The following REPS1 variants were observed in gnomAD, a reference collection of about 807,000 sequenced individuals.
REPS1 encodes the protein ralBP1-associated Eps domain-containing protein 1.
A neutral mutation model predicts 100.9 loss-of-function variants in REPS1; 39 were observed. The ratio of observed to expected loss-of-function variants is 0.39; its 90% confidence interval spans 0.30 to 0.50. The LOEUF (loss-of-function observed/expected upper bound fraction) is 0.50. Among genes scored for constraint, REPS1 ranks in the 20% least tolerant of loss-of-function variants. REPS1 has a pLI of 0.86. For synonymous variants in REPS1, 324 were observed against 340.3 expected, an observed-to-expected ratio of 0.95 and a Z score of 0.53; for missense variants, 821 against 968.5, an observed-to-expected ratio of 0.85 and a Z score of 2.02.
Position 138,920,301 on chromosome 6 carries a change from G to A in REPS1, c.1442C>T (p.Thr481Ile), listed in dbSNP as rs576758876. The A allele has an allele frequency of 5.7e-6, 9 of 1,576,466 alleles. No individual in the cohort carries two copies. The South Asian group carries it at 1.0e-4, about 17-fold the overall frequency. The change falls in exon 12 of 20, where the codon ACT becomes ATT. Residue 481 changes from threonine (T) to isoleucine (I), a missense_variant. Physicochemically the swap from Thr to Ile is moderately conservative, Grantham distance 89. This residue lies in a region of REPS1 where 757 missense variants were observed against 866.4 expected (regional missense o/e 0.87). Coordinates refer to ENST00000450536, the MANE Select transcript of REPS1 (RefSeq NM_001286611.2). ...AGATGGTTTCACAAGTAATGGGCTA[G>A]TGGGATTTGTATGATCTAATAGAGA... ...KRTGSDHTNP[T>I]SPLLVKPSDL...
chr6:138,920,807 G>A (rs1017986083), intron 11 of REPS1, among the ~76,000 whole-genome samples: 4 of 151,960 alleles, frequency 2.6e-5, no homozygotes, highest in Non-Finnish European at 5.9e-5. Flanking sequence ...AAAAACCCAC[G>A]GGGTATTAGA....
intron 1 of REPS1, among the ~76,000 whole-genome samples, chr6:138,966,850 T>A (rs1354872231): frequency 6.6e-6 from 1 of 152,234 alleles, no homozygotes; most frequent in African/African-American, 2.4e-5. Context: ...TTTCTCTGAA[T>A]GCAAATTTCC....
At chr6:138,921,527 T>C (rs1243862377) in intron 10 of REPS1, among the ~76,000 whole-genome samples, 2 of 150,888 alleles carry the variant, frequency 1.3e-5, no homozygotes, top group Non-Finnish European at 2.9e-5. Flanking sequence ...GCCCATGACT[T>C]ATAGTCCCAG....
intron 7 of REPS1, 118 bp from the exon 8 acceptor site, chr6:138,941,607 A>T: frequency 2.1e-6 from 2 of 939,700 alleles, no homozygotes; most frequent in Non-Finnish European, 3.2e-6. Context: ...TAATTATAAA[A>T]ATCCCATACA....
intron 1 of REPS1, among the ~76,000 whole-genome samples, chr6:138,968,819 G>A (rs987560133): frequency 6.6e-6 from 1 of 152,074 alleles, no homozygotes; most frequent in Non-Finnish European, 1.5e-5. Flanking sequence ...TAAAAGAAGA[G>A]AGCAAATAAT....
In REPS1 at chr6:138,908,828, G is replaced by T. The variant is rs763949999; in HGVS notation, c.2068-12C>A. ...GTTGTGCCTTTGCTCTTTAAGACAAGAATTCCATTAATAATAAGCATTTTT... is the reference window on the plus strand; with the variant it reads ...GTTGTGCCTTTGCTCTTTAAGACAATAATTCCATTAATAATAAGCATTTTT... On this transcript the variant is annotated splice_polypyrimidine_tract_variant and intron_variant, in intron 17 of 19. Transcript: ENST00000450536. The T allele has an allele frequency of 2.0e-5, 32 of 1,609,752 alleles. No homozygotes were observed. The highest frequency in any genetic ancestry group is 3.3e-5 in the South Asian group (3 of 89,976).
intron 1 of REPS1, among the ~76,000 whole-genome samples, chr6:138,962,483 TGAGTA>T (rs1783797497): frequency 6.6e-6 from 1 of 152,122 alleles, no homozygotes; most frequent in Non-Finnish European, 1.5e-5. Flanking sequence ...TTAAGACAAC[TGAGTA>T]GTAACCAAGG....
At chr6:138,957,670 A>G (rs1256356646) in intron 1 of REPS1, among the ~76,000 whole-genome samples, 1 of 152,198 alleles carries the variant, frequency 6.6e-6, no homozygotes, top group Non-Finnish European at 1.5e-5. Flanking sequence ...GTGCAATGAC[A>G]GAAGTCTCCA....
chr6:138,914,561 C>T lies in REPS1; in HGVS notation c.1785+136G>A, dbSNP rs1780226261. On this transcript the variant is annotated intron_variant, in intron 15 of 19. Transcript: ENST00000450536. ...GTGCATCTTTCAAAATGAGATTCAG[C>T]CTCACTGAATTAAATGCTCATTAAA... is the stretch of plus-strand genomic sequence containing the variant. The T allele has an allele frequency of 1.1e-5, 8 of 700,216 alleles. No individual in the cohort carries two copies. The South Asian group carries it at 1.2e-4, about 10-fold the overall frequency. 43.4% of individuals were successfully genotyped at this position (700,216 alleles called of 1,614,324 possible). A position where few individuals can be genotyped will look rare whatever the true frequency, so the allele number is the denominator to read the frequency against.
At chr6:138,946,005 G>A (rs1443147843) in intron 2 of REPS1, among the ~76,000 whole-genome samples, 1 of 152,144 alleles carries the variant, frequency 6.6e-6, no homozygotes, top group Non-Finnish European at 1.5e-5. Flanking sequence ...CGTAACCACA[G>A]TACCCCTGCA....
At chr6:138,961,851 T>A (rs1783759844) in intron 1 of REPS1, among the ~76,000 whole-genome samples, 1 of 152,146 alleles carries the variant, frequency 6.6e-6, no homozygotes, top group South Asian at 2.1e-4. Flanking sequence ...CCATGCCTTA[T>A]GGGAGCAAGC....
At chr6:138,981,362 A>G (rs1784941348) in intron 1 of REPS1, among the ~76,000 whole-genome samples, 1 of 152,068 alleles carries the variant, frequency 6.6e-6, no homozygotes, top group Non-Finnish European at 1.5e-5. Flanking sequence ...CATTAGACAA[A>G]TTTCTTACAC....
intron 1 of REPS1, among the ~76,000 whole-genome samples, chr6:138,949,605 A>T (rs1203431328): frequency 6.6e-6 from 1 of 152,032 alleles, no homozygotes; most frequent in East Asian, 1.9e-4. Flanking sequence ...GCGCACTGGT[A>T]ATTCTAAGTA....
Position 138,915,041 on chromosome 6 carries a change from C to T in REPS1, c.1721-280G>A, listed in dbSNP as rs117353213. ...AATAGCAAACAATCTTGATTTTCTT[C>T]GTGTATCTCTGACTGCTGTTTAGGT... is the stretch of plus-strand genomic sequence containing the variant. On this transcript the variant is annotated intron_variant, in intron 14 of 19. Transcript: ENST00000450536. The T allele has an allele frequency of 3.8e-5, 14 of 369,856 alleles. No individual in the cohort carries two copies. The East Asian group carries it at 4.7e-4, about 12-fold the overall frequency. The allele number at this position is 369,856 out of a possible 1,614,324, so 22.9% of individuals were successfully genotyped here.
rs71009602 is a variant in REPS1 at position 138,932,459 on chromosome 6, A to ACC, written c.1136-2363_1136-2362dup. ...TTCACTTACAGTTATTGTATTCCTT[A>ACC]CCCCCCCCCACATACATAAGCATTA... On this transcript the variant is annotated intron_variant, in intron 8 of 19. Coordinates refer to ENST00000450536, the MANE Select transcript of REPS1 (RefSeq NM_001286611.2). Among the ~76,000 whole-genome samples, 339 of 147,726 alleles carry ACC rather than the reference A, an allele frequency of 2.3e-3. 3 individuals are homozygous for ACC. The highest frequency in any genetic ancestry group is 4.2e-3 in the African/African-American group (167 of 40,098).
At position 138,944,034 on chromosome 6, in the gene REPS1, T is replaced by C. The variant is rs187703199; in HGVS notation, c.754-19A>G. 1.7e-5 allele frequency: 27 copies of C among 1,612,128 alleles called. No homozygotes were observed. The highest frequency in any genetic ancestry group is 1.7e-4 in the Middle Eastern group (1 of 6,050). On this transcript the variant is annotated intron_variant, in intron 5 of 19. Transcript: ENST00000450536. ...TCTGGTCCTGTAATGAAACATTTTT[T>C]CCTCAGTACAATATCTACCTACATG...
chr6:138,907,324 GT>G, intron 19 of REPS1, 170 bp downstream of exon 19: 1 of 467,848 alleles, frequency 2.1e-6, no homozygotes, highest in South Asian at 2.5e-5. Context: ...GTGTGTGTGT[GT>G]GTGTGTGTGT....
chr6:138,921,470 T>C (rs115653558), intron 10 of REPS1, among the ~76,000 whole-genome samples: 4 of 150,308 alleles, frequency 2.7e-5, no homozygotes, highest in East Asian at 2.0e-4. Flanking sequence ...CTAAGCAACA[T>C]AGTGAAACCC....
chr6:138,987,938 C>G lies in REPS1; in HGVS notation c.-256G>C, dbSNP rs1785376666. 1 of 326,398 alleles carries G rather than the reference C, an allele frequency of 3.1e-6. No homozygotes were observed. The highest frequency in any genetic ancestry group is 5.0e-6 in the Non-Finnish European group (1 of 200,318). The allele number at this position is 326,398 out of a possible 1,614,324, so 20.2% of individuals were successfully genotyped here. Reference sequence around the variant, plus strand: ...TGCGGCTGCGGCTGCGACTACGGCTCCGGCTCCGGCTCCGGCTCCGGCCGC... The same window carrying G: ...TGCGGCTGCGGCTGCGACTACGGCTGCGGCTCCGGCTCCGGCTCCGGCCGC... On this transcript the variant is annotated 5_prime_UTR_variant, in exon 1 of 20. Transcript: ENST00000450536.
Sources: allele counts gnomAD v4.1 joint callset (sites outside exome capture counted in the v4.1 genomes callset), GRCh38; gene constraint gnomAD v4.1.1; regional missense constraint gnomAD v4.1.1; transcripts MANE v1.5; gene names NCBI Gene and HGNC (gene_info 2026-07-23, HGNC 2026-07-21).